Variants in GPHN observed in about 807,000 individuals in gnomAD.
The protein encoded by GPHN is gephyrin.
A neutral mutation model predicts 95.5 loss-of-function variants in GPHN; 17 were observed. The observed-to-expected ratio is 0.18, with a 90% CI of 0.12 to 0.27. The LOEUF is 0.27. Among genes scored for constraint, GPHN ranks in the 10% least tolerant of loss-of-function variants. The pLI is 1.00. For missense variants in GPHN, 660 were observed against 978.1 expected (o/e 0.67, Z 4.34); for synonymous variants, 320 against 322.5 (o/e 0.99, Z 0.08).
chr14:67,327,694 G>T, the GPHN span, among the ~76,000 whole-genome samples: 1 of 151,988 alleles, frequency 6.6e-6, no homozygotes, highest in Non-Finnish European at 1.5e-5. Context: ...CTGTGTCCTG[G>T]TGTTCTCATT....
the GPHN span, among the ~76,000 whole-genome samples, chr14:67,667,923 G>T: frequency 6.6e-5 from 10 of 152,058 alleles, no homozygotes; most frequent in Admixed American, 6.6e-4. Flanking sequence ...CAGCCTGGGT[G>T]AAAGAGCAAC....
chr14:67,198,023 C>T, the GPHN span: 1 of 989,102 alleles, frequency 1.0e-6, no homozygotes, highest in Non-Finnish European at 1.5e-6. Flanking sequence ...TGGTGCAGTG[C>T]CAAGCATATC....
chr14:66,593,066 C>T (rs2061826193), intron 1 of GPHN, among the ~76,000 whole-genome samples: 1 of 152,152 alleles, frequency 6.6e-6, no homozygotes, highest in Non-Finnish European at 1.5e-5. Flanking sequence ...CCAAACACTG[C>T]ATGTTCTCAC....
intron 1 of GPHN, among the ~76,000 whole-genome samples, chr14:66,643,766 T>A (rs75397306): frequency 2.6e-5 from 4 of 151,644 alleles, no homozygotes; most frequent in African/African-American, 7.2e-5. Flanking sequence ...TTTTTTTTTT[T>A]AATCAAAGAT....
Position 66,674,726 on chromosome 14 carries a change from A to T in GPHN, c.65-6381A>T, listed in dbSNP as rs1365711359. ...TCTTTATCCATTCATCTGTTGATGG[A>T]TGTTTAGTTTGATTCCATATCTTGG... On this transcript the variant is annotated intron_variant, in intron 1 of 22. Coordinates refer to ENST00000478722, the MANE Select transcript of GPHN (RefSeq NM_020806.5). Among the ~76,000 whole-genome samples, 3 of 152,250 alleles carry T rather than the reference A, an allele frequency of 2.0e-5. No homozygotes were observed. In the East Asian group the frequency reaches 5.8e-4, roughly 29 times the overall value.
chr14:66,583,802 T>A lies in GPHN; in HGVS notation c.64+75211T>A, dbSNP rs11849942. Among the ~76,000 whole-genome samples the A allele has an allele frequency of 3.3e-3, 508 of 152,282 alleles. 6 individuals are homozygous for A. Among genetic ancestry groups the A allele is most frequent in the African/African-American group, 0.011 (473 of 41,558 alleles). ...TGGTTACTGTGTCCTTGTAGTATAGTTTGAAGTCAGGTAGCGTGATGCCTC... is the reference window on the plus strand; with the variant it reads ...TGGTTACTGTGTCCTTGTAGTATAGATTGAAGTCAGGTAGCGTGATGCCTC... On this transcript the variant is annotated intron_variant, in intron 1 of 22. Transcript: ENST00000478722.
the GPHN span, among the ~76,000 whole-genome samples, chr14:67,303,167 G>A: frequency 6.6e-6 from 1 of 152,186 alleles, no homozygotes; most frequent in Non-Finnish European, 1.5e-5. Flanking sequence ...ATTGGAGAAA[G>A]TTCTATTGGA....
chr14:67,600,814 G>A, the GPHN span, among the ~76,000 whole-genome samples: 1 of 152,124 alleles, frequency 6.6e-6, no homozygotes, highest in African/African-American at 2.4e-5. Context: ...CCTGACCTCA[G>A]GTGATTCGCC....
In GPHN at chr14:66,630,503, A is replaced by T. The variant is rs1036834231; in HGVS notation, c.65-50604A>T. On this transcript the variant is annotated intron_variant, in intron 1 of 22. Coordinates refer to ENST00000478722, the MANE Select transcript of GPHN (RefSeq NM_020806.5). ...TTGTTGTTGTTATTTTTTTTTTAAG[A>T]TGGAGTCGCCCAGGCTGTGGTGCAG... Among the ~76,000 whole-genome samples the T allele has an allele frequency of 2.0e-5, 3 of 150,988 alleles. No individual in the cohort carries two copies. In the East Asian group the frequency reaches 5.8e-4, roughly 29 times the overall value.
chr14:67,349,032 G>A, the GPHN span: 42 of 1,613,368 alleles, frequency 2.6e-5, no homozygotes, highest in Middle Eastern at 1.6e-4. Context: ...AGGTTGAAAC[G>A]TTACCTGCTA....
At chr14:67,589,615 C>T in the GPHN span, 1 of 986,020 alleles carries the variant, frequency 1.0e-6, no homozygotes. Flanking sequence ...GGTTGACAGA[C>T]TCGTCTTTTG....
At chr14:67,373,888 A>T in the GPHN span, among the ~76,000 whole-genome samples, 93 of 148,830 alleles carry the variant, frequency 6.2e-4, no homozygotes, top group Non-Finnish European at 1.0e-3. Context: ...CTGTGACGAT[A>T]GCCTCTTTCC....
At chr14:67,100,816 C>G in intron 12 of GPHN, 40 bp from the exon 13 acceptor site, 1 of 1,343,066 alleles carries the variant, frequency 7.4e-7, no homozygotes, top group Non-Finnish European at 1.1e-6. Flanking sequence ...TGCTGTAGGT[C>G]CATACTGATG....
At chr14:67,147,604 A>G (rs944831311) in intron 18 of GPHN, among the ~76,000 whole-genome samples, 2 of 152,106 alleles carry the variant, frequency 1.3e-5, no homozygotes, top group African/African-American at 4.8e-5. Context: ...TACTGCCGTC[A>G]TAGTTGACTG....
downstream of GPHN, among the ~76,000 whole-genome samples, chr14:67,183,271 C>G (rs2083348299): frequency 6.6e-6 from 1 of 152,092 alleles, no homozygotes; most frequent in African/African-American, 2.4e-5. Context: ...CTCCAGTTAT[C>G]CCCAAATTCC....
the GPHN span, among the ~76,000 whole-genome samples, chr14:67,633,594 G>A: frequency 1.3e-5 from 2 of 152,008 alleles, no homozygotes; most frequent in Admixed American, 1.3e-4. Flanking sequence ...TTAGCTTCCT[G>A]TGGCACTCTG....
chr14:67,189,354 C>T, the GPHN span: 1 of 152,200 alleles, frequency 6.6e-6, no homozygotes, highest in Admixed American at 6.5e-5. Context: ...ACTGCAGAGA[C>T]TATGTCAGCA....
intron 2 of GPHN, among the ~76,000 whole-genome samples, chr14:66,765,591 C>A (rs1352403003): frequency 6.6e-6 from 1 of 152,098 alleles, no homozygotes; most frequent in East Asian, 1.9e-4. Flanking sequence ...ACAGGAGCAA[C>A]AGACAGTGGG....
chr14:66,531,915 C>T (rs1404897305), intron 1 of GPHN, among the ~76,000 whole-genome samples: 1 of 152,168 alleles, frequency 6.6e-6, no homozygotes, highest in Non-Finnish European at 1.5e-5. Context: ...TATATGATTT[C>T]TCTCACAACT....
Sources: gnomAD v4.1 joint callset for allele counts (sites outside exome capture counted in the v4.1 genomes callset) on GRCh38, gnomAD v4.1.1 for gene constraint, MANE v1.5 for transcripts, NCBI Gene and HGNC (gene_info 2026-07-23, HGNC 2026-07-21) for gene names.